The following FGF14 variants were observed in gnomAD, a reference collection of about 807,000 sequenced individuals.
FGF14 encodes the protein fibroblast growth factor 14.
FGF14 carries 5 observed loss-of-function variants against 25.5 expected under a neutral mutation model. That is an observed-to-expected ratio of 0.20 (90% CI 0.10 to 0.41). The LOEUF is 0.41. FGF14 is among the 10% of genes least tolerant of loss of function. FGF14 has a pLI of 1.00. For synonymous variants in FGF14, 138 were observed against 118.3 expected, an observed-to-expected ratio of 1.17 and a Z score of -1.08; for missense variants, 222 against 320.1, an observed-to-expected ratio of 0.69 and a Z score of 2.34.
rs117039465 is a variant in FGF14, at chr13:102,290,785, C to T, written c.208+110686G>A. Among the ~76,000 whole-genome samples, 128 of 152,260 alleles carry T rather than the reference C, an allele frequency of 8.4e-4. No homozygotes were observed. In the East Asian group the frequency reaches 0.021, roughly 26 times the overall value. ...TCCTACCAGAGCAGATTTATTGCTG[C>T]GTCCCTCCACAATCCTTAAAATCAT... is the stretch of plus-strand genomic sequence containing the variant. On this transcript the variant is annotated intron_variant, in intron 1 of 4. Coordinates refer to the FGF14 transcript ENST00000376131.
chr13:102,323,177 T>G (rs567773966), intron 1 of FGF14, among the ~76,000 whole-genome samples: 1 of 152,196 alleles, frequency 6.6e-6, no homozygotes, highest in Non-Finnish European at 1.5e-5. Flanking sequence ...GTGTCAGCAT[T>G]TGACACATCG....
intron 1 of FGF14, among the ~76,000 whole-genome samples, chr13:102,126,060 C>G (rs1033021706): frequency 7.9e-5 from 12 of 152,098 alleles, no homozygotes; most frequent in African/African-American, 2.9e-4. Flanking sequence ...GCTAAAGAGG[C>G]CTTGGATCTT....
chr13:101,883,376 G>A (rs745946290), intron 1 of FGF14, among the ~76,000 whole-genome samples: 8 of 152,180 alleles, frequency 5.3e-5, no homozygotes, highest in Admixed American at 2.0e-4. Flanking sequence ...TTGGAAAACA[G>A]GAGGAGAAAT....
chr13:102,024,394 T>A (rs921349829), intron 1 of FGF14, among the ~76,000 whole-genome samples: 1 of 152,076 alleles, frequency 6.6e-6, no homozygotes, highest in Non-Finnish European at 1.5e-5. Flanking sequence ...GCAGTTTTCT[T>A]GTGTTTATTG....
At chr13:101,727,808 G>C (rs2035541235) in intron 3 of FGF14, among the ~76,000 whole-genome samples, 1 of 151,912 alleles carries the variant, frequency 6.6e-6, no homozygotes, top group South Asian at 2.1e-4. Context: ...GTTTTAAATA[G>C]GTCCAACACT....
intron 1 of FGF14, among the ~76,000 whole-genome samples, chr13:102,341,472 C>T (rs943878657): frequency 5.9e-5 from 9 of 152,078 alleles, no homozygotes; most frequent in African/African-American, 1.7e-4. Flanking sequence ...TTGAAGAATA[C>T]AAAAAACATA....
chr13:102,215,547 T>C (rs574318900), intron 1 of FGF14, among the ~76,000 whole-genome samples: 2 of 152,322 alleles, frequency 1.3e-5, no homozygotes, highest in East Asian at 3.9e-4. Context: ...CTAGTTCCTA[T>C]GCCTGCATCA....
Position 102,249,549 on chromosome 13 carries a change from GGTGTGTGTGT to G in FGF14, c.208+151912_208+151921del, listed in dbSNP as rs55773652. ...AGAATTATGGTATGGTACTGAGAGGGGTGTGTGTGTGTGTGTGTGTGTGTGTGTACGCGCA... is the reference window on the plus strand; with the variant it reads ...AGAATTATGGTATGGTACTGAGAGGGGTGTGTGTGTGTGTGTGTACGCGCA... On this transcript the variant is annotated intron_variant, in intron 1 of 4. Transcript: ENST00000376131. Among the ~76,000 whole-genome samples the G allele has an allele frequency of 2.7e-4, 41 of 150,400 alleles. 1 individual carries two copies. In the South Asian group the frequency reaches 8.0e-3, roughly 29 times the overall value.
intron 1 of FGF14, among the ~76,000 whole-genome samples, chr13:102,317,880 T>C (rs1198118345): frequency 6.6e-6 from 1 of 152,224 alleles, no homozygotes; most frequent in Non-Finnish European, 1.5e-5. Context: ...GCTTGGTTCC[T>C]GCCAGAGCCT....
chr13:101,962,175 T>G (rs917007011), intron 1 of FGF14, among the ~76,000 whole-genome samples: 3 of 152,358 alleles, frequency 2.0e-5, no homozygotes. Context: ...TTCAAGATAT[T>G]GATTCTTACT....
chr13:101,988,153 T>C (rs1033112577), intron 1 of FGF14, among the ~76,000 whole-genome samples: 11 of 151,994 alleles, frequency 7.2e-5, no homozygotes, highest in African/African-American at 2.2e-4. Flanking sequence ...TCTTAGATAG[T>C]TGTAGCAGAG....
chr13:102,395,879 C>T (rs2058569588), intron 1 of FGF14, among the ~76,000 whole-genome samples: 2 of 152,294 alleles, frequency 1.3e-5, no homozygotes, highest in South Asian at 4.1e-4. Context: ...TTTAGGAAGT[C>T]CCTAAGAATC....
At chr13:102,000,572 T>C (rs2039436687) in intron 1 of FGF14, among the ~76,000 whole-genome samples, 1 of 152,116 alleles carries the variant, frequency 6.6e-6, no homozygotes, top group Admixed American at 6.5e-5. Context: ...TTTGTTACTA[T>C]AAAAGAAAAA....
At chr13:102,393,793 G>A (rs924980233) in intron 1 of FGF14, 1 of 152,180 alleles carries the variant, frequency 6.6e-6, no homozygotes, top group Admixed American at 6.5e-5. Flanking sequence ...ACTGGCTCTT[G>A]GAACAGTCGC....
At chr13:101,733,209 A>G (rs1425640946) in intron 3 of FGF14, among the ~76,000 whole-genome samples, 1 of 152,204 alleles carries the variant, frequency 6.6e-6, no homozygotes, top group Non-Finnish European at 1.5e-5. Flanking sequence ...AAAAATTTTT[A>G]ATATTGGGCT....
At chr13:101,834,627 C>T (rs1594419793) in intron 3 of FGF14, among the ~76,000 whole-genome samples, 1 of 152,034 alleles carries the variant, frequency 6.6e-6, no homozygotes, top group African/African-American at 2.4e-5. Context: ...ACATTTAAAT[C>T]TCCATTCTCA....
chr13:101,949,802 G>A lies in FGF14; in HGVS notation c.209-74506C>T, dbSNP rs555102658. ...TCAATCTCATTCATTGTGGCAATAT[G>A]CTCAACTCCAGGGAATGAAACACAG... is the stretch of plus-strand genomic sequence containing the variant. On this transcript the variant is annotated intron_variant, in intron 1 of 4. Coordinates refer to the FGF14 transcript ENST00000376131. Among the ~76,000 whole-genome samples, 10 of 152,220 alleles carry A rather than the reference G, an allele frequency of 6.6e-5. 1 individual carries two copies. In the South Asian group the frequency reaches 2.1e-3, roughly 32 times the overall value.
At chr13:102,017,377 G>C (rs966814849) in intron 1 of FGF14, among the ~76,000 whole-genome samples, 1 of 152,080 alleles carries the variant, frequency 6.6e-6, no homozygotes, top group Non-Finnish European at 1.5e-5. Flanking sequence ...ATGCTAGTTT[G>C]GCTGGATATA....
chr13:102,335,583 C>T (rs756134914), intron 1 of FGF14, among the ~76,000 whole-genome samples: 3 of 152,084 alleles, frequency 2.0e-5, no homozygotes, highest in Non-Finnish European at 4.4e-5. Context: ...AGAAGGTGCA[C>T]TCCATTTTAC....
Sources: gnomAD v4.1 joint callset for allele counts (sites outside exome capture counted in the v4.1 genomes callset) on GRCh38, gnomAD v4.1.1 for gene constraint, MANE v1.5 for transcripts, NCBI Gene and HGNC (gene_info 2026-07-23, HGNC 2026-07-21) for gene names.